EIF2AK1: variants seen among roughly 807,000 people sequenced by gnomAD.
EIF2AK1 encodes the protein eukaryotic translation initiation factor 2 alpha kinase 1, also known as eukaryotic translation initiation factor 2-alpha kinase 1.
EIF2AK1 carries 54 observed loss-of-function variants against 77.9 expected under a neutral mutation model. That is an observed-to-expected ratio of 0.69 (90% confidence interval 0.56 to 0.87). The LOEUF (loss-of-function observed/expected upper bound fraction) is 0.87, where lower values mean the gene tolerates loss of function less well. EIF2AK1 is among the 40% of genes least tolerant of loss of function. The pLI, the probability that EIF2AK1 is intolerant of heterozygous loss-of-function variation, is 0.00. For synonymous variants in EIF2AK1, 314 were observed against 290.5 expected (o/e 1.08, Z -0.82); for missense variants, 810 against 768.6 (o/e 1.05, Z -0.64).
intron 8 of EIF2AK1, 122 bp downstream of exon 8, chr7:6,042,811 A>G: frequency 1.4e-6 from 1 of 738,388 alleles, no homozygotes; most frequent in South Asian, 1.8e-5. Flanking sequence ...GGTTGCAGTG[A>G]GCCAAGATTG....
At chr7:6,050,770 T>C (rs1227008759) in intron 2 of EIF2AK1, among the ~76,000 whole-genome samples, 2 of 151,776 alleles carry the variant, frequency 1.3e-5, no homozygotes, top group Non-Finnish European at 2.9e-5. Flanking sequence ...GCCCAGCTAA[T>C]TTTTTTGTAT....
In EIF2AK1 at chr7:6,022,934, A is replaced by G. The variant is rs530570707; in HGVS notation, c.*1739T>C. Reference sequence around the variant, plus strand: ...TGTCATTCATATCTTAATTGCCCTCAGTCTCACAGAAGGCGATTATGAGGC... The same window carrying G: ...TGTCATTCATATCTTAATTGCCCTCGGTCTCACAGAAGGCGATTATGAGGC... On this transcript the variant is annotated 3_prime_UTR_variant, in exon 15 of 15. Transcript: ENST00000199389. 4.7e-6 allele frequency: 1 copy of G among 212,686 alleles called. No homozygotes were observed. Among genetic ancestry groups the G allele is most frequent in the South Asian group, 1.1e-4 (1 of 9,042 alleles). 13.2% of individuals were successfully genotyped at this position (212,686 alleles called of 1,614,324 possible). A position where few individuals can be genotyped will look rare whatever the true frequency, so the allele number is the denominator to read the frequency against.
At chr7:6,028,786 A>G in intron 12 of EIF2AK1, 89 bp from the exon 13 acceptor site, 1 of 1,432,424 alleles carries the variant, frequency 7.0e-7, no homozygotes, top group Non-Finnish European at 9.8e-7. Flanking sequence ...TGTAGCTCCT[A>G]AGAGAACAAC....
chr7:6,043,663 G>C (rs971123278), intron 7 of EIF2AK1, among the ~76,000 whole-genome samples: 3 of 151,416 alleles, frequency 2.0e-5, no homozygotes, highest in African/African-American at 7.3e-5. Context: ...TCCTGACCTT[G>C]TGATCCTCCT....
At chr7:6,046,404 C>T (rs1788445033) in intron 5 of EIF2AK1, 1 of 251,312 alleles carries the variant, frequency 4.0e-6, no homozygotes, top group Non-Finnish European at 7.5e-6. Context: ...TAGCTCAAAA[C>T]ACAGTAGTAC....
intron 1 of EIF2AK1, among the ~76,000 whole-genome samples, chr7:6,055,121 T>A (rs1482142214): frequency 6.6e-6 from 1 of 151,952 alleles, no homozygotes; most frequent in African/African-American, 2.4e-5. Context: ...GGCCAGTGGA[T>A]CACCTGAGGT....
intron 14 of EIF2AK1, among the ~76,000 whole-genome samples, chr7:6,026,009 A>G (rs1490698191): frequency 6.6e-6 from 1 of 151,666 alleles, no homozygotes; most frequent in Non-Finnish European, 1.5e-5. Context: ...AAAAACATGT[A>G]CAGAGACCAT....
intron 8 of EIF2AK1, among the ~76,000 whole-genome samples, chr7:6,042,401 A>G (rs182312534): frequency 2.0e-5 from 3 of 151,494 alleles, no homozygotes; most frequent in Non-Finnish European, 4.4e-5. Flanking sequence ...CAGTGAGCTG[A>G]GATCACATCA....
chr7:6,052,623 T>C (rs1166515279), intron 2 of EIF2AK1, among the ~76,000 whole-genome samples: 3 of 145,832 alleles, frequency 2.1e-5, no homozygotes, highest in African/African-American at 7.5e-5. Flanking sequence ...TCAGAATCTC[T>C]GGCTGGAACT....
chr7:6,051,081 T>C (rs1462141448), intron 2 of EIF2AK1, among the ~76,000 whole-genome samples: 1 of 152,128 alleles, frequency 6.6e-6, no homozygotes, highest in African/African-American at 2.4e-5. Flanking sequence ...AGGGCAAACA[T>C]ATGATGAGAA....
rs748803474 is a variant in EIF2AK1, at chr7:6,036,096, T to C, written c.1332+1328A>G. 9 of 1,550,812 alleles carry C rather than the reference T, an allele frequency of 5.8e-6. No individual in the cohort carries two copies. The highest frequency in any genetic ancestry group is 1.2e-5 in the South Asian group (1 of 84,062). On this transcript the variant is annotated intron_variant, in intron 11 of 14. Coordinates refer to ENST00000199389, the MANE Select transcript of EIF2AK1 (RefSeq NM_014413.4). This position sits in a 1 kb window ranked among gnomAD's most constrained non-coding sequence, Gnocchi z 4.6. ...AATTTATATGTACCTTCAGCGCAGT[T>C]GCAATGTAAGAGATACGGCACTTCT...
rs71008353 is a variant in EIF2AK1 at position 6,056,613 on chromosome 7, AATATATAT to A, written c.119-1917_119-1910del. 3.7e-4 allele frequency among the ~76,000 whole-genome samples: 16 copies of A among 43,736 alleles called. 2 individuals are homozygous for A. Among genetic ancestry groups the A allele is most frequent in the East Asian group, 3.1e-3 (5 of 1,588 alleles). The allele number at this position is 43,736 out of a possible 152,430, so 28.7% of individuals were successfully genotyped here. ...CATCTCAAGGGAAAAAAAAAAAAAA[AATATATAT>A]ATATATATATATATAAACTCTGTCT... On this transcript the variant is annotated intron_variant, in intron 1 of 14. Coordinates refer to ENST00000199389, the MANE Select transcript of EIF2AK1 (RefSeq NM_014413.4).
chr7:6,046,007 A>G (rs1479883210), intron 6 of EIF2AK1, 64 bp downstream of exon 6: 3 of 1,114,250 alleles, frequency 2.7e-6, no homozygotes, highest in Non-Finnish European at 3.8e-6. Flanking sequence ...ATATACATGT[A>G]TAACTCTTTC....
At position 6,033,054 on chromosome 7, in the gene EIF2AK1, T is replaced by C; in HGVS notation, c.1333-4022A>G. 2 of 821,758 alleles carry C rather than the reference T, an allele frequency of 2.4e-6. No homozygotes were observed. The highest frequency in any genetic ancestry group is 1.9e-6 in the Non-Finnish European group (1 of 539,318). The allele number at this position is 821,758 out of a possible 1,614,324, so 50.9% of individuals were successfully genotyped here. ...CACAATCTCGCCTCACTGCAACCTC[T>C]ACTTCCTGGGTTCAAGAGCTTCTCC... On this transcript the variant is annotated intron_variant, in intron 11 of 14. Transcript: ENST00000199389. The surrounding 1 kb of genome is among the most constrained non-coding windows in gnomAD (Gnocchi z 4.4).
Position 6,040,887 on chromosome 7 carries a change from T to C in EIF2AK1, c.1119+5A>G, listed in dbSNP as rs770543541. The C allele has an allele frequency of 1.2e-5, 19 of 1,612,412 alleles. No individual in the cohort carries two copies. Among genetic ancestry groups the C allele is most frequent in the Non-Finnish European group, 1.5e-5 (18 of 1,178,700 alleles). ...AAATTAGGAGGGTCTGGGAAAGTAA[T>C]CTACCTCTGTCTGACCCAAAAAGTT... is the stretch of plus-strand genomic sequence containing the variant. On this transcript the variant is annotated splice_donor_5th_base_variant and intron_variant, in intron 9 of 14. Coordinates refer to ENST00000199389, the MANE Select transcript of EIF2AK1 (RefSeq NM_014413.4).
At chr7:6,034,595 C>T (rs1269930581) in intron 11 of EIF2AK1, among the ~76,000 whole-genome samples, 1 of 152,210 alleles carries the variant, frequency 6.6e-6, no homozygotes, top group Non-Finnish European at 1.5e-5. Flanking sequence ...GTCTATCTTC[C>T]CTGCTAGACT....
At chr7:6,025,821 TG>T (rs35691395) in intron 14 of EIF2AK1, among the ~76,000 whole-genome samples, 3 of 152,030 alleles carry the variant, frequency 2.0e-5, no homozygotes. Flanking sequence ...TTTTAGTAGA[TG>T]GGGTTTCACC....
chr7:6,044,819 C>A (rs1185277348), intron 6 of EIF2AK1, among the ~76,000 whole-genome samples, 158 bp from the exon 7 acceptor site: 2 of 152,132 alleles, frequency 1.3e-5, no homozygotes, highest in East Asian at 3.8e-4. Context: ...ATCTTTTCTC[C>A]AGCTTGCAGT....
chr7:6,045,544 A>G (rs905849456), intron 6 of EIF2AK1, among the ~76,000 whole-genome samples: 10 of 152,034 alleles, frequency 6.6e-5, no homozygotes, highest in African/African-American at 2.4e-4. Context: ...CCTCCAAGGT[A>G]AGTAAAATCA....
Sources: gnomAD v4.1 joint callset for allele counts (sites outside exome capture counted in the v4.1 genomes callset) on GRCh38, gnomAD v4.1.1 for gene constraint, Gnocchi (gnomAD v3.1) non-coding constraint, MANE v1.5 for transcripts, NCBI Gene and HGNC (gene_info 2026-07-23, HGNC 2026-07-21) for gene names.